The following ANKRD33B variants were observed in gnomAD, a reference collection of about 807,000 sequenced individuals.
The protein encoded by ANKRD33B is ankyrin repeat domain 33B.
ANKRD33B carries 6 observed loss-of-function variants against 21.5 expected under a neutral mutation model. The ratio of observed to expected loss-of-function variants is 0.28; its 90% CI spans 0.15 to 0.55. The LOEUF is 0.55. ANKRD33B is among the 20% of genes least tolerant of loss of function. The probability of loss-of-function intolerance (pLI) is 0.94; values close to 1 mark genes in which losing one functional copy is unlikely to be tolerated. For missense variants in ANKRD33B, 698 were observed against 747.2 expected, an observed-to-expected ratio of 0.93 and a Z score of 0.77; for synonymous variants, 347 against 342.4, an observed-to-expected ratio of 1.01 and a Z score of -0.15.
chr5:10,580,365 C>T (rs1735417777), intron 1 of ANKRD33B, among the ~76,000 whole-genome samples: 1 of 152,290 alleles, frequency 6.6e-6, no homozygotes, highest in East Asian at 1.9e-4. Flanking sequence ...GAGTGTGGTC[C>T]CCACCCAGCC....
chr5:10,631,341 A>G (rs1736704688), intron 2 of ANKRD33B, among the ~76,000 whole-genome samples: 1 of 152,198 alleles, frequency 6.6e-6, no homozygotes, highest in Non-Finnish European at 1.5e-5. Flanking sequence ...GGGATCTGAT[A>G]AATATTCCAC....
chr5:10,612,712 A>C (rs1005013649), intron 1 of ANKRD33B, among the ~76,000 whole-genome samples: 7 of 152,058 alleles, frequency 4.6e-5, no homozygotes, highest in Non-Finnish European at 1.0e-4. Context: ...CTGGATGCCC[A>C]CCCCGTCCCC....
chr5:10,581,137 T>G (rs1339262165), intron 1 of ANKRD33B, among the ~76,000 whole-genome samples: 2 of 152,350 alleles, frequency 1.3e-5, no homozygotes. Flanking sequence ...CATCTGTGCC[T>G]GGGGCCTGGT....
rs899739165 is a variant in ANKRD33B at position 10,656,758 on chromosome 5, G to C, written c.*6645G>C. 4.6e-5 allele frequency: 7 copies of C among 152,408 alleles called. No individual in the cohort carries two copies. Among genetic ancestry groups the C allele is most frequent in the African/African-American group, 1.7e-4 (7 of 41,468 alleles). The allele number at this position is 152,408 out of a possible 1,614,324, so 9.4% of individuals were successfully genotyped here. A position where few individuals can be genotyped will look rare whatever the true frequency, so the allele number is the denominator to read the frequency against. ...GCTGCCTGGAGGGGCCCAGGCCCAAGAGGATTCTTTACCCCTGGAAGAGCT... is the reference window on the plus strand; with the variant it reads ...GCTGCCTGGAGGGGCCCAGGCCCAACAGGATTCTTTACCCCTGGAAGAGCT... On this transcript the variant is annotated 3_prime_UTR_variant, in exon 4 of 4. Transcript: ENST00000296657.
At chr5:10,600,266 A>G (rs550774587) in intron 1 of ANKRD33B, among the ~76,000 whole-genome samples, 4 of 152,384 alleles carry the variant, frequency 2.6e-5, no homozygotes, top group Non-Finnish European at 4.4e-5. Flanking sequence ...GAATATGCAC[A>G]TGTAAATGTC....
At chr5:10,603,316 G>T (rs1156268172) in intron 1 of ANKRD33B, among the ~76,000 whole-genome samples, 7 of 151,874 alleles carry the variant, frequency 4.6e-5, no homozygotes, top group Non-Finnish European at 1.5e-5. Context: ...AGGCTGGAGT[G>T]CAGTGGAGTG....
intron 1 of ANKRD33B, among the ~76,000 whole-genome samples, chr5:10,588,336 A>G (rs571061042): frequency 4.6e-5 from 7 of 152,134 alleles, no homozygotes; most frequent in Non-Finnish European, 7.4e-5. Flanking sequence ...AATGACCACA[A>G]TGTACTCTTT....
At chr5:10,624,733 C>T in intron 2 of ANKRD33B, 1 of 456,696 alleles carries the variant, frequency 2.2e-6, no homozygotes, top group Non-Finnish European at 4.4e-6. Context: ...AGGGGCTGCC[C>T]CTGTCCCCAT....
intron 2 of ANKRD33B, among the ~76,000 whole-genome samples, chr5:10,633,443 T>C (rs1417290581): frequency 6.6e-6 from 1 of 152,238 alleles, no homozygotes; most frequent in East Asian, 1.9e-4. Context: ...GAGAATAGTT[T>C]ATGTTTACAG....
intron 3 of ANKRD33B, among the ~76,000 whole-genome samples, chr5:10,645,673 A>T (rs1737174021): frequency 6.6e-6 from 1 of 152,142 alleles, no homozygotes; most frequent in Non-Finnish European, 1.5e-5. Context: ...TCACCCCTTG[A>T]TTCCACGAGA....
intron 2 of ANKRD33B, among the ~76,000 whole-genome samples, chr5:10,631,930 G>A (rs1353112572): frequency 2.0e-5 from 3 of 152,308 alleles, no homozygotes; most frequent in South Asian, 4.1e-4. Context: ...GCAGAACGGC[G>A]GGGCAGCATC....
rs142913973 is a variant in ANKRD33B at position 10,578,141 on chromosome 5, G to A, written c.366+13308G>A. On this transcript the variant is annotated intron_variant, in intron 1 of 3. Transcript: ENST00000296657. ...GGTGGAAGGCCACTTTCAGCTGCAA[G>A]TACAGACCCTGTAGATGATCAGCTC... 1.2e-3 allele frequency among the ~76,000 whole-genome samples: 180 copies of A among 152,356 alleles called. No individual in the cohort carries two copies. In the Middle Eastern group the frequency reaches 0.027, roughly 23 times the overall value.
intron 2 of ANKRD33B, among the ~76,000 whole-genome samples, chr5:10,624,538 C>T (rs1328513556): frequency 2.6e-5 from 4 of 152,144 alleles, no homozygotes; most frequent in Non-Finnish European, 5.9e-5. Context: ...GGCTCTGATC[C>T]CTGGACACCC....
intron 1 of ANKRD33B, among the ~76,000 whole-genome samples, chr5:10,572,175 C>T (rs1735210737): frequency 6.6e-6 from 1 of 152,168 alleles, no homozygotes; most frequent in Non-Finnish European, 1.5e-5. Context: ...AGGCGTGAGC[C>T]ACCACACCCG....
chr5:10,627,861 T>C (rs1736612564), intron 2 of ANKRD33B: 1 of 152,246 alleles, frequency 6.6e-6, no homozygotes, highest in Non-Finnish European at 1.5e-5. Context: ...GCCACACCCC[T>C]GCCCGCTGGC....
intron 1 of ANKRD33B, 71 bp from the exon 2 acceptor site, chr5:10,618,262 C>G: frequency 6.5e-6 from 10 of 1,527,248 alleles, no homozygotes; most frequent in Non-Finnish European, 7.0e-6. Context: ...GGGTGCCCCT[C>G]GGGGTCCCCA....
At chr5:10,611,207 A>AGG in intron 1 of ANKRD33B, among the ~76,000 whole-genome samples, 1 of 152,234 alleles carries the variant, frequency 6.6e-6, no homozygotes, top group Non-Finnish European at 1.5e-5. Flanking sequence ...TTTTTCTGTA[A>AGG]TGTTGATTCC....
intron 1 of ANKRD33B, among the ~76,000 whole-genome samples, chr5:10,602,623 C>G (rs1735957399): frequency 6.6e-6 from 1 of 152,214 alleles, no homozygotes; most frequent in Non-Finnish European, 1.5e-5. Context: ...GGCTGGGAGC[C>G]TCCGGAGTGG....
rs1230950551 is a variant in ANKRD33B at position 10,649,956 on chromosome 5, G to A, written c.1328G>A (p.Arg443Gln). 1 of 1,531,350 alleles carries A rather than the reference G, an allele frequency of 6.5e-7. No individual in the cohort carries two copies. The allele number at this position is 1,531,350 out of a possible 1,614,324, so 94.9% of individuals were successfully genotyped here. A position where few individuals can be genotyped will look rare whatever the true frequency, so the allele number is the denominator to read the frequency against. The change falls in exon 4 of 4, where the codon CGG (arginine) becomes CAG (glutamine). Residue 443 changes from arginine to glutamine, a missense_variant. By Grantham distance (43) the Arg-to-Gln change is conservative (BLOSUM62 1). This residue lies in a region of ANKRD33B where 543 missense variants were observed against 566.5 expected (regional missense o/e 0.96). Transcript: ENST00000296657. ...APTFQPERPA[R>Q]KGSTKDSGHL... ...ACCTTCCAGCCCGAGCGGCCGGCGC[G>A]GAAGGGCAGCACCAAGGACAGCGGC... is the stretch of plus-strand genomic sequence containing the variant.
Sources: allele counts gnomAD v4.1 joint callset (sites outside exome capture counted in the v4.1 genomes callset), GRCh38; gene constraint gnomAD v4.1.1; regional missense constraint gnomAD v4.1.1; transcripts MANE v1.5; gene names NCBI Gene and HGNC (gene_info 2026-07-23, HGNC 2026-07-21).